The following PPP1R12A variants were observed in gnomAD, a reference collection of about 807,000 sequenced individuals.
The protein encoded by PPP1R12A is protein phosphatase 1 regulatory subunit 12A.
A neutral mutation model predicts 139.6 loss-of-function variants in PPP1R12A; 19 were observed. The observed-to-expected ratio is 0.14, with a 90% CI of 0.09 to 0.20. The LOEUF (loss-of-function observed/expected upper bound fraction) is 0.20. Among genes scored for constraint, PPP1R12A ranks in the 10% least tolerant of loss-of-function variants. The pLI, the probability that PPP1R12A is intolerant of heterozygous loss-of-function variation, is 1.00. For missense variants in PPP1R12A, 925 were observed against 1,211.5 expected (o/e 0.76, Z 3.51); for synonymous variants, 427 against 420.6 (o/e 1.02, Z -0.19).
intron 1 of PPP1R12A, among the ~76,000 whole-genome samples, chr12:79,903,566 T>C (rs555900057): frequency 6.6e-6 from 1 of 152,228 alleles, no homozygotes; most frequent in South Asian, 2.1e-4. Flanking sequence ...CCTCATTAAA[T>C]ACATGCAAAT....
At chr12:79,935,108 A>C (rs550778706), upstream of PPP1R12A, 7 of 1,362,174 alleles carry the variant, frequency 5.1e-6, no homozygotes, top group East Asian at 2.1e-4. Context: ...GGGGCGGCGC[A>C]CCCGGCCGAG....
chr12:79,906,225 A>T (rs1886096418), intron 1 of PPP1R12A, among the ~76,000 whole-genome samples: 1 of 152,192 alleles, frequency 6.6e-6, no homozygotes, highest in African/African-American at 2.4e-5. Flanking sequence ...ATTAATATTA[A>T]TGATAAAAAC....
chr12:79,862,320 C>T (rs773194707), intron 2 of PPP1R12A, among the ~76,000 whole-genome samples: 10 of 152,104 alleles, frequency 6.6e-5, no homozygotes, highest in Admixed American at 2.6e-4. Context: ...AGGTCACCAA[C>T]GTTAAAGACC....
Position 79,822,207 on chromosome 12 carries a change from G to T in PPP1R12A, c.793-17C>A, listed in dbSNP as rs1237918671. ...TGTTTGGCCCTACGTAGGAAACAAG[G>T]GGGGATGGTGATGGTCAAAAGTCAA... is the stretch of plus-strand genomic sequence containing the variant. On this transcript the variant is annotated splice_polypyrimidine_tract_variant and intron_variant, in intron 5 of 24. Coordinates refer to ENST00000450142, the MANE Select transcript of PPP1R12A (RefSeq NM_002480.3). The T allele has an allele frequency of 1.3e-6, 2 of 1,541,682 alleles. No homozygotes were observed. Among genetic ancestry groups the T allele is most frequent in the South Asian group, 2.3e-5 (2 of 85,492 alleles).
intron 21 of PPP1R12A, chr12:79,787,443 T>C (rs1871259650): frequency 6.6e-6 from 1 of 152,202 alleles, no homozygotes; most frequent in South Asian, 2.1e-4. Context: ...TTCTCACCCA[T>C]TTTTGCCCGT....
chr12:79,915,728 C>T (rs796920062), intron 1 of PPP1R12A, among the ~76,000 whole-genome samples: 1 of 152,026 alleles, frequency 6.6e-6, no homozygotes, highest in South Asian at 2.1e-4. Context: ...TCTGCTTAAA[C>T]GTTACACAGG....
intron 1 of PPP1R12A, among the ~76,000 whole-genome samples, chr12:79,878,702 A>C (rs1168009700): frequency 1.3e-5 from 2 of 152,128 alleles, no homozygotes; most frequent in Non-Finnish European, 2.9e-5. Flanking sequence ...AGCGCCGAGC[A>C]AAACAGGAAA....
At chr12:79,893,091 C>A (rs1361932131) in intron 1 of PPP1R12A, among the ~76,000 whole-genome samples, 5 of 141,174 alleles carry the variant, frequency 3.5e-5, no homozygotes, top group Admixed American at 2.2e-4. Context: ...GCGACAAAAG[C>A]AAGACTGTGT....
chr12:79,915,499 T>C (rs1886922589), intron 1 of PPP1R12A, among the ~76,000 whole-genome samples: 1 of 152,152 alleles, frequency 6.6e-6, no homozygotes, highest in African/African-American at 2.4e-5. Context: ...ATTAAATTGG[T>C]ATATTTAAAA....
intron 23 of PPP1R12A, chr12:79,779,791 A>T: frequency 2.4e-5 from 4 of 163,516 alleles, no homozygotes; most frequent in East Asian, 1.6e-4. Flanking sequence ...AAGATTTTAA[A>T]TTAGTGGTAA....
rs1873742070 is a variant in PPP1R12A, at chr12:79,805,701, T to C, written c.1891A>G (p.Thr631Ala). 1 of 1,613,598 alleles carries C rather than the reference T, an allele frequency of 6.2e-7. No homozygotes were observed. The highest frequency in any genetic ancestry group is 8.5e-7 in the Non-Finnish European group (1 of 1,179,658). ...KEKDSVPTAV[T>A]IPVAPTVVNA... is the part of the protein sequence containing the mutation. ...ACAACAGTTGGAGCAACAGGAATGG[T>C]CACTGCCGTAGGAACACTGTCCTTT... The change falls in exon 14 of 25, where the codon ACC becomes GCC. Residue 631 changes from threonine (T) to alanine (A), a missense_variant. By Grantham distance (58) the Thr-to-Ala change is moderately conservative. Around this residue, in one of 4 missense-constraint regions of PPP1R12A, gnomAD observed 403 missense variants for 463.7 expected, o/e 0.87. Coordinates refer to ENST00000450142, the MANE Select transcript of PPP1R12A (RefSeq NM_002480.3).
At chr12:79,804,688 A>G (rs1255631950) in intron 14 of PPP1R12A, among the ~76,000 whole-genome samples, 1 of 152,078 alleles carries the variant, frequency 6.6e-6, no homozygotes, top group Non-Finnish European at 1.5e-5. Context: ...TTTTGCAAGA[A>G]TAAAATATAA....
At chr12:79,911,962 T>C (rs948876999) in intron 1 of PPP1R12A, among the ~76,000 whole-genome samples, 2 of 152,246 alleles carry the variant, frequency 1.3e-5, no homozygotes, top group African/African-American at 4.8e-5. Flanking sequence ...CAAGGTCTCC[T>C]GGATCCTCCT....
intron 3 of PPP1R12A, among the ~76,000 whole-genome samples, chr12:79,843,158 T>G (rs1404073813): frequency 6.6e-6 from 1 of 152,226 alleles, no homozygotes; most frequent in African/African-American, 2.4e-5. Context: ...TATATATATT[T>G]CACATTTTAT....
chr12:79,800,358 C>T (rs1872966052), intron 14 of PPP1R12A, among the ~76,000 whole-genome samples: 1 of 151,836 alleles, frequency 6.6e-6, no homozygotes, highest in South Asian at 2.1e-4. Flanking sequence ...TATGATGGCC[C>T]ACTTCCACTT....
chr12:79,844,567 C>G (rs1376797752), intron 3 of PPP1R12A, among the ~76,000 whole-genome samples: 3 of 152,186 alleles, frequency 2.0e-5, no homozygotes, highest in Non-Finnish European at 4.4e-5. Flanking sequence ...TGGATTATGT[C>G]AGTTATTTCC....
At chr12:79,919,328 G>A (rs1039925530) in intron 1 of PPP1R12A, among the ~76,000 whole-genome samples, 2 of 151,780 alleles carry the variant, frequency 1.3e-5, no homozygotes, top group African/African-American at 2.4e-5. Flanking sequence ...AAGCTGAGGC[G>A]GGCGGATCAC....
intron 3 of PPP1R12A, among the ~76,000 whole-genome samples, chr12:79,839,647 G>T (rs1380766004): frequency 3.3e-5 from 5 of 152,076 alleles, no homozygotes; most frequent in Non-Finnish European, 7.4e-5. Flanking sequence ...GTTTTAAAAG[G>T]GTCTTTGCTT....
At chr12:79,921,622 T>C (rs1227138884) in intron 1 of PPP1R12A, among the ~76,000 whole-genome samples, 1 of 152,190 alleles carries the variant, frequency 6.6e-6, no homozygotes. Context: ...CGGCTCATGC[T>C]GCCACCTCAA....
Sources: gnomAD v4.1 joint callset for allele counts (sites outside exome capture counted in the v4.1 genomes callset) on GRCh38, gnomAD v4.1.1 for gene constraint, gnomAD v4.1.1 regional missense constraint, MANE v1.5 for transcripts, NCBI Gene and HGNC (gene_info 2026-07-23, HGNC 2026-07-21) for gene names.